Variants in ITGAD observed in about 807,000 individuals in gnomAD.
ITGAD encodes the protein integrin alpha-D.
In ITGAD, 105 loss-of-function variants were observed where a neutral mutation model predicts 139.0. The observed-to-expected ratio is 0.76, with a 90% CI of 0.65 to 0.89. The LOEUF (loss-of-function observed/expected upper bound fraction) is 0.89, where lower values mean the gene tolerates loss of function less well. Among genes scored for constraint, ITGAD ranks in the 40% least tolerant of loss-of-function variants. ITGAD has a pLI of 0.00. For missense variants in ITGAD, 1,384 were observed against 1,487.3 expected (o/e 0.93, Z 1.14); for synonymous variants, 569 against 598.3 (o/e 0.95, Z 0.71).
At chr16:31,407,957 C>T (rs1274643630) in intron 9 of ITGAD, 41 bp downstream of exon 9, 1 of 1,532,224 alleles carries the variant, frequency 6.5e-7, no homozygotes, top group Non-Finnish European at 8.8e-7. Context: ...CAAGGGGTCC[C>T]CACCCAATTG....
At chr16:31,421,264 T>C (rs1052487180) in intron 23 of ITGAD, among the ~76,000 whole-genome samples, 4 of 152,016 alleles carry the variant, frequency 2.6e-5, no homozygotes, top group African/African-American at 9.7e-5. Flanking sequence ...ATACATGGCA[T>C]GCCTCTCCAA....
intron 23 of ITGAD, among the ~76,000 whole-genome samples, chr16:31,420,676 G>A (rs2081990329): frequency 1.3e-5 from 2 of 152,202 alleles, no homozygotes; most frequent in African/African-American, 2.4e-5. Flanking sequence ...CCAGGTTCAA[G>A]TGATTCTCCT....
At chr16:31,401,738 C>T (rs1394135327) in intron 5 of ITGAD, among the ~76,000 whole-genome samples, 2 of 152,230 alleles carry the variant, frequency 1.3e-5, no homozygotes, top group Non-Finnish European at 2.9e-5. Flanking sequence ...AAGTAATGTG[C>T]CTGAATTCAC....
rs373658199 is a variant in ITGAD at position 31,407,665 on chromosome 16, C to T, written c.855C>T (p.Ile285=). The part of the protein sequence containing the change: ...AEKAGIIRYA[I]GVGHAFQGPT... ...AGGCTGGCATCATCCGCTACGCTAT[C>T]GGGGTGCGCCTCTTCTTCACCCCTG... Residue 285 remains isoleucine, a synonymous_variant, in exon 8 of 30, where the codon ATC becomes ATT. Transcript: ENST00000389202. The T allele has an allele frequency of 4.8e-5, 78 of 1,613,980 alleles. No homozygotes were observed. The highest frequency in any genetic ancestry group is 6.6e-5 in the South Asian group (6 of 91,074).
rs927482658 is a variant in ITGAD, at chr16:31,418,208, A to T, written c.2616+17A>T. 1.2e-6 allele frequency: 2 copies of T among 1,608,630 alleles called. No individual in the cohort carries two copies. The highest frequency in any genetic ancestry group is 1.7e-6 in the Non-Finnish European group (2 of 1,175,040). On this transcript the variant is annotated intron_variant, in intron 21 of 29. Coordinates refer to ENST00000389202, the MANE Select transcript of ITGAD (RefSeq NM_005353.3). Reference sequence around the variant, plus strand: ...GGCTCTAACGTCAGTGCTTCTCCCTAAATCCCCATCACTGTCCTCCCTTGT... The same window carrying T: ...GGCTCTAACGTCAGTGCTTCTCCCTTAATCCCCATCACTGTCCTCCCTTGT...
intron 4 of ITGAD, 40 bp downstream of exon 4, chr16:31,397,706 C>CGCCGGG: frequency 3.3e-6 from 1 of 299,964 alleles, no homozygotes; most frequent in Non-Finnish European, 5.6e-6. Context: ...TGGGGTGGGG[C>CGCCGGG]GGGGGGTGTT....
At chr16:31,418,612 C>A in intron 23 of ITGAD, 48 bp downstream of exon 23, 1 of 1,360,350 alleles carries the variant, frequency 7.4e-7, no homozygotes, top group Non-Finnish European at 1.1e-6. Flanking sequence ...TTCCTCTATG[C>A]CTGGTACTCC....
rs750148647 is a variant in ITGAD at position 31,402,155 on chromosome 16, C to T, written c.468C>T (p.Asp156=). 32 of 1,613,382 alleles carry T rather than the reference C, an allele frequency of 2.0e-5. No individual in the cohort carries two copies. Among genetic ancestry groups the T allele is most frequent in the African/African-American group, 1.2e-4 (9 of 74,928 alleles). Residue 156 remains aspartate, a synonymous_variant, in exon 6 of 30, where the codon GAC becomes GAT. Transcript: ENST00000389202. ...HQEMDIVFLI[D]GSGSIDQNDF... Reference sequence around the variant, plus strand: ...AGATGGACATCGTCTTCCTGATTGACGGCTCTGGAAGCATTGACCAAAATG... The same window carrying T: ...AGATGGACATCGTCTTCCTGATTGATGGCTCTGGAAGCATTGACCAAAATG...
chr16:31,402,279 G>A, intron 6 of ITGAD, 34 bp downstream of exon 6: 3 of 1,568,884 alleles, frequency 1.9e-6, no homozygotes, highest in African/African-American at 1.4e-5. Context: ...GGGGTTTGGG[G>A]GACGGGGGAG....
intron 2 of ITGAD, among the ~76,000 whole-genome samples, chr16:31,397,151 C>T (rs1051260933): frequency 7.1e-6 from 1 of 139,874 alleles, no homozygotes; most frequent in East Asian, 2.5e-4. Flanking sequence ...TATGCACACT[C>T]AAAACCAAAT....
rs770750795 is a variant in ITGAD, at chr16:31,416,512, ACC to A, written c.2367_2368del (p.Leu790AspfsTer19). ...GVTLSFSGLQ[T>X]LTVGSSLELN... ...CTCGTCCTTCCCCTTCAGCCTGCAG[ACC>A]CTGACCGTGGGGAGCTCCCTGGAGC... On this transcript the variant is annotated frameshift_variant, in exon 20 of 30. Coordinates refer to ENST00000389202, the MANE Select transcript of ITGAD (RefSeq NM_005353.3). LOFTEE classifies it high-confidence loss of function. The A allele has an allele frequency of 1.6e-5, 25 of 1,610,056 alleles. No individual in the cohort carries two copies. Among genetic ancestry groups the A allele is most frequent in the Non-Finnish European group, 2.0e-5 (24 of 1,176,892 alleles).
At chr16:31,407,279 G>A (rs550700973) in intron 7 of ITGAD, among the ~76,000 whole-genome samples, 4 of 152,288 alleles carry the variant, frequency 2.6e-5, no homozygotes, top group Non-Finnish European at 5.9e-5. Context: ...ACTTGAACCC[G>A]GGAGACGGAG....
In ITGAD at chr16:31,414,939, A is replaced by T. The variant is rs541416611; in HGVS notation, c.2231A>T (p.Gln744Leu). 1 of 1,614,114 alleles carries T rather than the reference A, an allele frequency of 6.2e-7. No homozygotes were observed. The highest frequency in any genetic ancestry group is 8.5e-7 in the Non-Finnish European group (1 of 1,180,012). Residue 744 changes from glutamine (Q) to leucine (L), a missense_variant, in exon 18 of 30, where the codon CAG becomes CTG. By Grantham distance (113) the Gln-to-Leu change is moderately radical. Transcript: ENST00000389202. ...GTGAGAGAGCCCATCCCCTCCCCCCAGAACCTGCGTCCTGTGCTGGCCGTG... is the reference window on the plus strand; with the variant it reads ...GTGAGAGAGCCCATCCCCTCCCCCCTGAACCTGCGTCCTGTGCTGGCCGTG... ...SLVREPIPSP[Q>L]NLRPVLAVGS...
intron 2 of ITGAD, 144 bp downstream of exon 2, chr16:31,394,485 T>C: frequency 1.7e-6 from 1 of 580,342 alleles, no homozygotes; most frequent in Non-Finnish European, 3.1e-6. Context: ...GGCCCTGACA[T>C]CAGCACCTAT....
rs576250586 is a variant in ITGAD at position 31,411,487 on chromosome 16, A to G, written c.1677A>G (p.Ser559=). ...CTGTCTACCTGTTTCACGGAGCCTC[A>G]GAATCCGGCATCAGCCCCTCCCACA... ...RGAVYLFHGA[S]ESGISPSHSQ... is the part of the protein sequence containing the mutation. Residue 559 remains serine, a synonymous_variant, in exon 14 of 30, where the codon TCA becomes TCG. Coordinates refer to ENST00000389202, the MANE Select transcript of ITGAD (RefSeq NM_005353.3). 1.3e-3 allele frequency: 2,087 copies of G among 1,613,844 alleles called. 3 individuals carry two copies. Among genetic ancestry groups the G allele is most frequent in the Non-Finnish European group, 1.6e-3 (1,940 of 1,179,762 alleles).
rs773434912 is a variant in ITGAD, at chr16:31,423,841, C to T, written c.3046-4C>T. ...CCTCAGTTTCACCCCTCTTCTGCCC[C>T]CAGGACTGCTCCATTGCTGACTGCC... is the stretch of plus-strand genomic sequence containing the variant. On this transcript the variant is annotated splice_region_variant and splice_polypyrimidine_tract_variant and intron_variant, in intron 26 of 29. Coordinates refer to ENST00000389202, the MANE Select transcript of ITGAD (RefSeq NM_005353.3). 15 of 1,614,060 alleles carry T rather than the reference C, an allele frequency of 9.3e-6. No homozygotes were observed. Among genetic ancestry groups the T allele is most frequent in the Non-Finnish European group, 1.3e-5 (15 of 1,180,004 alleles).
At chr16:31,397,706 C>CCCGGG in intron 4 of ITGAD, 40 bp downstream of exon 4, 8 of 299,938 alleles carry the variant, frequency 2.7e-5, no homozygotes, top group Non-Finnish European at 3.9e-5. Flanking sequence ...TGGGGTGGGG[C>CCCGGG]GGGGGGTGTT....
At chr16:31,410,901 G>A (rs1489576969) in intron 12 of ITGAD, 23 bp downstream of exon 12, 1 of 1,610,470 alleles carries the variant, frequency 6.2e-7, no homozygotes, top group African/African-American at 1.3e-5. Flanking sequence ...AGGAGCCAGA[G>A]GGGAGGATGA....
At chr16:31,401,006 C>A (rs147342241) in intron 5 of ITGAD, among the ~76,000 whole-genome samples, 1 of 152,252 alleles carries the variant, frequency 6.6e-6, no homozygotes, top group African/African-American at 2.4e-5. Flanking sequence ...TGCCTGTCAT[C>A]CCAGTGCTTT....
Sources: allele counts gnomAD v4.1 joint callset (sites outside exome capture counted in the v4.1 genomes callset), GRCh38; gene constraint gnomAD v4.1.1; transcripts MANE v1.5; gene names NCBI Gene and HGNC (gene_info 2026-07-23, HGNC 2026-07-21).